Variants in FHIT observed in about 807,000 individuals in gnomAD.
FHIT encodes fragile histidine triad diadenosine triphosphatase, also known as bis(5'-adenosyl)-triphosphatase.
Under a neutral mutation model 17.9 loss-of-function variants are expected in FHIT, and 19 were observed. That is an observed-to-expected ratio of 1.06 (90% CI 0.74 to 1.56). The LOEUF is 1.56. Among genes scored for constraint, FHIT ranks in the 40% most tolerant of loss-of-function variants. FHIT has a pLI of 0.00. For synonymous variants in FHIT, 81 were observed against 69.7 expected (o/e 1.16, Z -0.81); for missense variants, 248 against 189.2 (o/e 1.31, Z -1.82).
chr3:61,036,901 G>GTTTTTTTTTTTTTTTTTTTT lies in FHIT; in HGVS notation c.-111+5145_-111+5146insAAAAAAAAAAAAAAAAAAAA, dbSNP rs746649804. ...TTCACCTCAAAGATCAGTCTGCTTT[G>GTTTTTTTTTTTTTTTTTTTT]TTTTTTTTTTTTGTTTGTTTGTTTT... On this transcript the variant is annotated intron_variant, in intron 3 of 9. Transcript: ENST00000492590. Among the ~76,000 whole-genome samples, 28 of 70,314 alleles carry GTTTTTTTTTTTTTTTTTTTT rather than the reference G, an allele frequency of 4.0e-4. 1 individual carries two copies. Among genetic ancestry groups the GTTTTTTTTTTTTTTTTTTTT allele is most frequent in the African/African-American group, 7.7e-4 (24 of 31,332 alleles). 46.1% of individuals were successfully genotyped at this position (70,314 alleles called of 152,430 possible). A position where few individuals can be genotyped will look rare whatever the true frequency, so the allele number is the denominator to read the frequency against.
intron 4 of FHIT, among the ~76,000 whole-genome samples, chr3:60,577,868 A>T (rs1466278682): frequency 1.3e-5 from 2 of 152,088 alleles, no homozygotes; most frequent in African/African-American, 4.8e-5. Context: ...CCCTTTTCTA[A>T]TATTAGCTAA....
chr3:61,202,996 T>G (rs9832387), intron 1 of FHIT, among the ~76,000 whole-genome samples: 1 of 151,440 alleles, frequency 6.6e-6, no homozygotes, highest in Non-Finnish European at 1.5e-5. Context: ...CTGGCTAATA[T>G]GGTGAAACCC....
intron 8 of FHIT, among the ~76,000 whole-genome samples, chr3:59,758,900 G>A (rs907555597): frequency 8.6e-5 from 13 of 152,024 alleles, no homozygotes; most frequent in African/African-American, 3.1e-4. Context: ...TAATGCTTGT[G>A]GGTGGCAGTT....
intron 8 of FHIT, among the ~76,000 whole-genome samples, chr3:59,891,886 T>G (rs1312564340): frequency 2.0e-5 from 3 of 152,096 alleles, no homozygotes; most frequent in Admixed American, 1.3e-4. Flanking sequence ...CTGTTTAGAT[T>G]TTTCCTGAAG....
At chr3:59,986,509 A>G (rs1163810846) in intron 7 of FHIT, among the ~76,000 whole-genome samples, 2 of 15,178 alleles carry the variant, frequency 1.3e-4, no homozygotes, top group Admixed American at 9.0e-4. Context: ...ATATATATAT[A>G]TATATATATA....
intron 5 of FHIT, among the ~76,000 whole-genome samples, chr3:60,242,954 AGCCACTAG>A (rs1705209662): frequency 6.6e-6 from 1 of 152,030 alleles, no homozygotes; most frequent in South Asian, 2.1e-4. Context: ...CTAATCTCCA[AGCCACTAG>A]GTCTTTACTT....
intron 4 of FHIT, among the ~76,000 whole-genome samples, chr3:60,725,197 A>C (rs2107973311): frequency 6.6e-6 from 1 of 152,260 alleles, no homozygotes; most frequent in South Asian, 2.1e-4. Flanking sequence ...CAAGTTTCTT[A>C]TCAGATATAT....
rs567939259 is a variant in FHIT at position 61,205,013 on chromosome 3, T to A, written c.-212-4348A>T. Among the ~76,000 whole-genome samples, 5 of 134,224 alleles carry A rather than the reference T, an allele frequency of 3.7e-5. 1 individual carries two copies. In the South Asian group the frequency reaches 1.2e-3, roughly 33 times the overall value. The allele number at this position is 134,224 out of a possible 152,430, so 88.1% of individuals were successfully genotyped here. A position where few individuals can be genotyped will look rare whatever the true frequency, so the allele number is the denominator to read the frequency against. ...CAATCCCCAGTGTGTGATGTTCTCC[T>A]TCCTGTGTCCATGTGTTCTCATTGT... On this transcript the variant is annotated intron_variant, in intron 1 of 9. Coordinates refer to ENST00000492590, the MANE Select transcript of FHIT (RefSeq NM_002012.4).
intron 4 of FHIT, among the ~76,000 whole-genome samples, chr3:60,562,471 A>C (rs1001846482): frequency 2.0e-4 from 30 of 152,336 alleles, no homozygotes; most frequent in African/African-American, 7.2e-4. Context: ...AAATGAAGCC[A>C]GCAATCCAGG....
At chr3:59,913,299 C>T (rs1298889639) in intron 8 of FHIT, among the ~76,000 whole-genome samples, 1 of 152,100 alleles carries the variant, frequency 6.6e-6, no homozygotes, top group African/African-American at 2.4e-5. Context: ...CTAAGAAAAT[C>T]GCTTTTCTCC....
At chr3:59,755,906 G>C (rs961161355) in intron 8 of FHIT, among the ~76,000 whole-genome samples, 1 of 151,880 alleles carries the variant, frequency 6.6e-6, no homozygotes, top group Non-Finnish European at 1.5e-5. Flanking sequence ...GAAGGCGAGA[G>C]TTAGTTAGGT....
At chr3:60,182,969 G>C (rs1559706634) in intron 5 of FHIT, among the ~76,000 whole-genome samples, 1 of 150,804 alleles carries the variant, frequency 6.6e-6, no homozygotes, top group Admixed American at 6.6e-5. Context: ...TCCTTTAAAA[G>C]ATATTCTGTC....
chr3:59,811,740 C>T (rs984740520), intron 8 of FHIT, among the ~76,000 whole-genome samples: 9 of 152,160 alleles, frequency 5.9e-5, no homozygotes, highest in Non-Finnish European at 1.2e-4. Flanking sequence ...ATATATAAGA[C>T]AGCTCTGGGT....
chr3:60,196,963 C>T (rs1160140883), intron 5 of FHIT, among the ~76,000 whole-genome samples: 1 of 152,102 alleles, frequency 6.6e-6, no homozygotes, highest in East Asian at 1.9e-4. Context: ...ACACCCCATG[C>T]ATATAAACTC....
At chr3:60,583,790 A>G (rs1367461299) in intron 4 of FHIT, among the ~76,000 whole-genome samples, 3 of 152,098 alleles carry the variant, frequency 2.0e-5, no homozygotes, top group African/African-American at 7.2e-5. Context: ...CAATGGCTCC[A>G]TGCTCAAAGA....
chr3:61,198,423 C>A (rs996700906), intron 2 of FHIT, among the ~76,000 whole-genome samples: 4 of 152,068 alleles, frequency 2.6e-5, no homozygotes, highest in African/African-American at 9.7e-5. Flanking sequence ...AGGCAGGGTG[C>A]AGGCCCCTGA....
chr3:61,084,633 G>A (rs192910520), intron 2 of FHIT, among the ~76,000 whole-genome samples: 2 of 152,150 alleles, frequency 1.3e-5, no homozygotes, highest in East Asian at 3.9e-4. Context: ...AATATTTCAA[G>A]CTATTTTAAG....
intron 5 of FHIT, among the ~76,000 whole-genome samples, chr3:60,456,749 T>C (rs1402626957): frequency 6.6e-6 from 1 of 152,110 alleles, no homozygotes; most frequent in Non-Finnish European, 1.5e-5. Context: ...AATCCATCCA[T>C]GACAGTTTAC....
At chr3:60,247,445 T>A (rs1203464853) in intron 5 of FHIT, among the ~76,000 whole-genome samples, 4 of 151,786 alleles carry the variant, frequency 2.6e-5, no homozygotes, top group South Asian at 2.1e-4. Context: ...AAGATGAAGA[T>A]GAAGAAGAAG....
Sources: allele counts gnomAD v4.1 joint callset (sites outside exome capture counted in the v4.1 genomes callset), GRCh38; gene constraint gnomAD v4.1.1; transcripts MANE v1.5; gene names NCBI Gene and HGNC (gene_info 2026-07-23, HGNC 2026-07-21).